Variants in KHDRBS3 observed in about 807,000 individuals in gnomAD.
KHDRBS3 encodes the protein KH RNA binding domain containing, signal transduction associated 3.
A neutral mutation model predicts 45.6 loss-of-function variants in KHDRBS3; 23 were observed. The observed-to-expected ratio is 0.50, with a 90% CI of 0.36 to 0.72. The LOEUF (loss-of-function observed/expected upper bound fraction) is 0.72. KHDRBS3 is among the 30% of genes least tolerant of loss of function. The pLI is 0.00. For missense variants in KHDRBS3, 352 were observed against 424.8 expected (o/e 0.83, Z 1.51); for synonymous variants, 162 against 156.5 (o/e 1.04, Z -0.26).
chr8:135,492,705 TAGTA>T (rs1409671197), intron 1 of KHDRBS3, among the ~76,000 whole-genome samples: 2 of 152,066 alleles, frequency 1.3e-5, no homozygotes, highest in African/African-American at 4.8e-5. Flanking sequence ...TAGAGCATCT[TAGTA>T]AGTTCTTGAA....
rs182214189 is a variant in KHDRBS3 at position 135,572,378 on chromosome 8, T to G, written c.612-9500T>G. On this transcript the variant is annotated intron_variant, in intron 5 of 8. Transcript: ENST00000355849. ...GTCAATAATTTTACCAGGAACCAGT[T>G]TGTAACTTGTTAAATTGTATCTTGT... Among the ~76,000 whole-genome samples the G allele has an allele frequency of 2.4e-4, 36 of 152,338 alleles. No homozygotes were observed. In the East Asian group the frequency reaches 6.4e-3, roughly 27 times the overall value.
intron 1 of KHDRBS3, among the ~76,000 whole-genome samples, chr8:135,469,846 G>A (rs1821924209): frequency 6.6e-6 from 1 of 152,140 alleles, no homozygotes; most frequent in African/African-American, 2.4e-5. Flanking sequence ...TATTGTTAAT[G>A]CACAGAGACT....
chr8:135,521,458 A>G (rs1824906340), intron 2 of KHDRBS3, 103 bp downstream of exon 2: 1 of 673,272 alleles, frequency 1.5e-6, no homozygotes, highest in Non-Finnish European at 2.6e-6. Flanking sequence ...GTTTTCTCTT[A>G]GCATCCCCCT....
chr8:135,483,379 T>C (rs1454346129), intron 1 of KHDRBS3, among the ~76,000 whole-genome samples: 1 of 152,114 alleles, frequency 6.6e-6, no homozygotes, highest in Non-Finnish European at 1.5e-5. Context: ...CTGCTGCCAT[T>C]AGTGGTTTGT....
chr8:135,462,316 A>G (rs1821472674), intron 1 of KHDRBS3, among the ~76,000 whole-genome samples: 1 of 150,494 alleles, frequency 6.6e-6, no homozygotes, highest in African/African-American at 2.5e-5. Flanking sequence ...GTGTATTATG[A>G]TTAAAAGTGA....
intron 6 of KHDRBS3, among the ~76,000 whole-genome samples, chr8:135,599,235 T>C (rs1385103717): frequency 1.3e-5 from 2 of 152,224 alleles, no homozygotes; most frequent in Non-Finnish European, 2.9e-5. Context: ...TCGGTGCTGT[T>C]TCGAAGCTAA....
At chr8:135,479,486 A>G (rs1222542886) in intron 1 of KHDRBS3, among the ~76,000 whole-genome samples, 1 of 152,198 alleles carries the variant, frequency 6.6e-6, no homozygotes, top group Non-Finnish European at 1.5e-5. Context: ...AGTAATTCAT[A>G]AGCAACAAAA....
chr8:135,490,806 G>A (rs1347103212), intron 1 of KHDRBS3, among the ~76,000 whole-genome samples: 1 of 152,186 alleles, frequency 6.6e-6, no homozygotes, highest in Admixed American at 6.5e-5. Context: ...TAGCTTGAAT[G>A]TGGAGTCAGT....
intron 6 of KHDRBS3, among the ~76,000 whole-genome samples, chr8:135,583,479 T>G (rs1386229513): frequency 6.6e-6 from 1 of 152,180 alleles, no homozygotes; most frequent in Non-Finnish European, 1.5e-5. Flanking sequence ...TTAAATTCCT[T>G]TTAGGTAGGC....
chr8:135,462,792 C>T (rs1363198719), intron 1 of KHDRBS3, among the ~76,000 whole-genome samples: 2 of 152,094 alleles, frequency 1.3e-5, no homozygotes, highest in African/African-American at 4.8e-5. Context: ...TGTTCTTTTA[C>T]AGGTCCATTG....
At chr8:135,590,283 G>C (rs1162978795) in intron 6 of KHDRBS3, among the ~76,000 whole-genome samples, 1 of 152,210 alleles carries the variant, frequency 6.6e-6, no homozygotes, top group Non-Finnish European at 1.5e-5. Flanking sequence ...CGGCTCCACT[G>C]TCCTATATGT....
intron 6 of KHDRBS3, among the ~76,000 whole-genome samples, chr8:135,585,096 G>T (rs1001405231): frequency 6.6e-6 from 1 of 151,542 alleles, no homozygotes; most frequent in African/African-American, 2.4e-5. Context: ...GGGTGTAGTG[G>T]TGCGCACCTG....
intron 1 of KHDRBS3, among the ~76,000 whole-genome samples, chr8:135,483,283 ATCT>A (rs1278682745): frequency 6.6e-6 from 1 of 152,194 alleles, no homozygotes; most frequent in Non-Finnish European, 1.5e-5. Flanking sequence ...GTCTGAAAAT[ATCT>A]TCTTCTCAAA....
Position 135,534,864 on chromosome 8 carries a change from A to G in KHDRBS3, c.208-7790A>G, listed in dbSNP as rs574177466. ...TTTCTCATCTTGGAAATCAGACACC[A>G]TGCACAAGCCTATTCACGCTGAGGC... On this transcript the variant is annotated intron_variant, in intron 2 of 8. Transcript: ENST00000355849. Among the ~76,000 whole-genome samples, 4 of 152,260 alleles carry G rather than the reference A, an allele frequency of 2.6e-5. No individual in the cohort carries two copies. The East Asian group carries it at 5.8e-4, about 22-fold the overall frequency.
At chr8:135,565,061 T>C (rs1827344356) in intron 5 of KHDRBS3, among the ~76,000 whole-genome samples, 1 of 152,204 alleles carries the variant, frequency 6.6e-6, no homozygotes, top group South Asian at 2.1e-4. Context: ...CTTGTTCCAT[T>C]GGCTGTCGTG....
At chr8:135,526,649 G>A (rs1825204148) in intron 2 of KHDRBS3, among the ~76,000 whole-genome samples, 1 of 152,068 alleles carries the variant, frequency 6.6e-6, no homozygotes, top group African/African-American at 2.4e-5. Context: ...TAATGCTGAT[G>A]GTACACTTCC....
intron 4 of KHDRBS3, among the ~76,000 whole-genome samples, chr8:135,556,535 T>C (rs986014835): frequency 1.3e-5 from 2 of 152,196 alleles, no homozygotes; most frequent in African/African-American, 2.4e-5. Context: ...TGTCTTCTTT[T>C]GAGAAGTGTC....
intron 1 of KHDRBS3, among the ~76,000 whole-genome samples, chr8:135,485,610 A>G (rs973502460): frequency 1.3e-5 from 2 of 151,986 alleles, no homozygotes; most frequent in South Asian, 2.1e-4. Flanking sequence ...ATTTTTTTAT[A>G]TGATAGTTTA....
chr8:135,608,572 G>A (rs1399366757), intron 7 of KHDRBS3, among the ~76,000 whole-genome samples: 1 of 152,212 alleles, frequency 6.6e-6, no homozygotes, highest in Non-Finnish European at 1.5e-5. Context: ...ATGGTAACAG[G>A]TGTGTGACTG....
Sources: allele counts gnomAD v4.1 joint callset (sites outside exome capture counted in the v4.1 genomes callset), GRCh38; gene constraint gnomAD v4.1.1; transcripts MANE v1.5; gene names NCBI Gene and HGNC (gene_info 2026-07-23, HGNC 2026-07-21).